WASF1: variants seen among roughly 807,000 people sequenced by gnomAD.
WASF1 encodes WASP family member 1.
WASF1 carries 7 observed loss-of-function variants against 50.5 expected under a neutral mutation model. The ratio of observed to expected loss-of-function variants is 0.14; its 90% CI spans 0.08 to 0.26. The LOEUF (loss-of-function observed/expected upper bound fraction) is 0.26. Ranked by LOEUF, WASF1 falls within the 10% of genes least tolerant of loss-of-function variation. WASF1 has a pLI of 1.00. For missense variants in WASF1, 470 were observed against 694.7 expected, an observed-to-expected ratio of 0.68 and a Z score of 3.64; for synonymous variants, 205 against 244.0, an observed-to-expected ratio of 0.84 and a Z score of 1.49.
chr6:110,157,713 A>G (rs1776097624), intron 3 of WASF1, among the ~76,000 whole-genome samples: 1 of 10,960 alleles, frequency 9.1e-5, no homozygotes, highest in Non-Finnish European at 1.4e-4. Context: ...AGCTCTTATT[A>G]TTTTGAAATA....
At chr6:110,119,927 A>C (rs1407460471) in intron 4 of WASF1, among the ~76,000 whole-genome samples, 1 of 152,146 alleles carries the variant, frequency 6.6e-6, no homozygotes, top group Non-Finnish European at 1.5e-5. Flanking sequence ...TGAACAGAAC[A>C]AATGACAAAA....
intron 3 of WASF1, among the ~76,000 whole-genome samples, chr6:110,134,570 GC>G (rs556839134): frequency 5.3e-5 from 8 of 151,770 alleles, no homozygotes; most frequent in Non-Finnish European, 1.2e-4. Flanking sequence ...GATTACAGGT[GC>G]CCACCACCAC....
At chr6:110,134,431 T>C (rs1774848883) in intron 3 of WASF1, among the ~76,000 whole-genome samples, 1 of 151,962 alleles carries the variant, frequency 6.6e-6, no homozygotes, top group East Asian at 1.9e-4. Flanking sequence ...CCTTTTTTTT[T>C]TTCTTTTTTG....
intron 2 of WASF1, among the ~76,000 whole-genome samples, chr6:110,174,752 A>T (rs964767001): frequency 2.6e-5 from 4 of 152,182 alleles, no homozygotes; most frequent in African/African-American, 9.6e-5. Context: ...ACCATGTTAC[A>T]CATTATTTTT....
At chr6:110,138,873 C>T (rs1007114122) in intron 3 of WASF1, among the ~76,000 whole-genome samples, 6 of 152,200 alleles carry the variant, frequency 3.9e-5, no homozygotes, top group African/African-American at 1.4e-4. Context: ...CCCCAGGCTA[C>T]AGGCCTTCCC....
At chr6:110,121,734 T>C (rs1214846643) in intron 4 of WASF1, among the ~76,000 whole-genome samples, 1 of 152,152 alleles carries the variant, frequency 6.6e-6, no homozygotes, top group African/African-American at 2.4e-5. Context: ...CAAATGCACA[T>C]GTATGTTTAT....
At chr6:110,118,347 CAAAAAAAAAAAAAAAAAAA>C (rs56948481) in intron 4 of WASF1, among the ~76,000 whole-genome samples, 5 of 7,474 alleles carry the variant, frequency 6.7e-4, no homozygotes, top group African/African-American at 2.2e-3. Flanking sequence ...AAACGGAAAG[CAAAAAAAAAAAAAAAAAAA>C]AAAAAAAAAA....
chr6:110,108,403 T>G, intron 6 of WASF1, 125 bp downstream of exon 6: 1 of 895,918 alleles, frequency 1.1e-6, no homozygotes, highest in Non-Finnish European at 1.6e-6. Context: ...TTTCCAAAGG[T>G]GGTGGACAGA....
At chr6:110,130,689 C>T (rs1219484625) in intron 3 of WASF1, among the ~76,000 whole-genome samples, 4 of 152,152 alleles carry the variant, frequency 2.6e-5, no homozygotes. Context: ...GCACATGTGT[C>T]TTAGTGTACA....
intron 2 of WASF1, among the ~76,000 whole-genome samples, chr6:110,173,297 C>T (rs1400665464): frequency 6.6e-6 from 1 of 152,026 alleles, no homozygotes; most frequent in African/African-American, 2.4e-5. Context: ...TAACTACTAT[C>T]AAGCACACCA....
chr6:110,124,274 C>CTCTCTCTATATA (rs1331534646), intron 4 of WASF1, among the ~76,000 whole-genome samples: 4 of 20,500 alleles, frequency 2.0e-4, no homozygotes, highest in Admixed American at 7.4e-4. Flanking sequence ...CTCTCTCTCT[C>CTCTCTCTATATA]TATATATATA....
chr6:110,152,598 A>G (rs1775871797), intron 3 of WASF1, among the ~76,000 whole-genome samples: 1 of 152,190 alleles, frequency 6.6e-6, no homozygotes, highest in Admixed American at 6.5e-5. Flanking sequence ...ATGAGCTTGC[A>G]AGGTGATTGT....
chr6:110,120,895 C>T (rs1285577721), intron 4 of WASF1, among the ~76,000 whole-genome samples: 6 of 152,094 alleles, frequency 3.9e-5, no homozygotes, highest in Non-Finnish European at 8.8e-5. Flanking sequence ...CATCTACAAC[C>T]ATCTGATCTT....
At chr6:110,160,892 T>C (rs988542312) in intron 2 of WASF1, among the ~76,000 whole-genome samples, 160 bp from the exon 3 acceptor site, 7 of 151,610 alleles carry the variant, frequency 4.6e-5, no homozygotes, top group Admixed American at 2.0e-4. Context: ...TAATAGGAAA[T>C]GAGAGGATCA....
rs1776375665 is a variant in WASF1 at position 110,164,165 on chromosome 6, C to T, written c.-126-3433G>A. ...GGGTTTGAAGATGACATTTTAAATA[C>T]AACAACAAAGGCACAATCCATGAAA... On this transcript the variant is annotated intron_variant, in intron 2 of 10. Transcript: ENST00000392589. 2.0e-5 allele frequency among the ~76,000 whole-genome samples: 3 copies of T among 151,600 alleles called. No individual in the cohort carries two copies. The South Asian group carries it at 6.2e-4, about 31-fold the overall frequency.
At chr6:110,111,132 A>AT (rs2114471361) in intron 5 of WASF1, among the ~76,000 whole-genome samples, 1 of 152,268 alleles carries the variant, frequency 6.6e-6, no homozygotes, top group East Asian at 1.9e-4. Context: ...CTAAATGTTG[A>AT]TTTTTATTTC....
chr6:110,167,323 G>A lies in WASF1; in HGVS notation c.-126-6591C>T, dbSNP rs866905844. Among the ~76,000 whole-genome samples the A allele has an allele frequency of 4.0e-5, 6 of 151,388 alleles. No individual in the cohort carries two copies. The South Asian group carries it at 1.0e-3, about 26-fold the overall frequency. ...TTATTTTTTTTTTCAAAGTTAGAAA[G>A]AGCCTCAGGCAGCTCTTTCAGGAGG... is the stretch of plus-strand genomic sequence containing the variant. On this transcript the variant is annotated intron_variant, in intron 2 of 10. Transcript: ENST00000392589.
At chr6:110,102,741 T>C (rs1387403242) in intron 9 of WASF1, among the ~76,000 whole-genome samples, 1 of 152,146 alleles carries the variant, frequency 6.6e-6, no homozygotes, top group East Asian at 1.9e-4. Flanking sequence ...GATAGAAAAT[T>C]GGATTTTTAA....
At chr6:110,149,463 T>C (rs1462138262) in intron 3 of WASF1, among the ~76,000 whole-genome samples, 3 of 121,684 alleles carry the variant, frequency 2.5e-5, no homozygotes, top group Admixed American at 2.1e-4. Context: ...GGAGACAGCA[T>C]GGAAGAGGAA....
Sources: gnomAD v4.1 joint callset for allele counts (sites outside exome capture counted in the v4.1 genomes callset) on GRCh38, gnomAD v4.1.1 for gene constraint, MANE v1.5 for transcripts, NCBI Gene and HGNC (gene_info 2026-07-23, HGNC 2026-07-21) for gene names.